Variants in DACH2 observed in about 807,000 individuals in gnomAD.
DACH2 encodes dachshund homolog 2.
Under a neutral mutation model 35.8 loss-of-function variants are expected in DACH2, and 17 were observed. That is an observed-to-expected ratio of 0.48 (90% CI 0.33 to 0.71). The LOEUF is 0.71. DACH2 is among the 30% of genes least tolerant of loss of function. DACH2 has a pLI of 0.02. For synonymous variants in DACH2, 195 were observed against 177.3 expected (o/e 1.10, Z -0.79); for missense variants, 469 against 472.7 (o/e 0.99, Z 0.07).
At chrX:86,291,764 AG>A (rs1350584175) in intron 1 of DACH2, among the ~76,000 whole-genome samples, 1 of 69,100 alleles carries the variant, frequency 1.4e-5, no homozygotes, top group Non-Finnish European at 2.5e-5. Context: ...CTTGCATCCC[AG>A]GGATGAAGCC....
intron 1 of DACH2, among the ~76,000 whole-genome samples, chrX:86,244,483 A>G: frequency 8.9e-6 from 1 of 111,936 alleles, no homozygotes; most frequent in Non-Finnish European, 1.9e-5. Context: ...GCATGTTGGC[A>G]TGCACCTCTA....
Position 86,613,980 on chromosome X carries a change from A to C in DACH2, c.641-37056A>C, listed in dbSNP as rs186429258. On this transcript the variant is annotated intron_variant, in intron 3 of 11. Transcript: ENST00000373125. ...AATGTAGAGCCTTTTTGACAAACTT[A>C]TTACCATGCACATATTCAAATATTA... Among the ~76,000 whole-genome samples, 16 of 112,020 alleles carry C rather than the reference A, an allele frequency of 1.4e-4. 1 individual carries two copies. In the East Asian group the frequency reaches 3.7e-3, roughly 26 times the overall value.
intron 1 of DACH2, among the ~76,000 whole-genome samples, chrX:86,214,308 C>T (rs1311100657): frequency 8.9e-6 from 1 of 112,004 alleles, no homozygotes; most frequent in Non-Finnish European, 1.9e-5. Context: ...ACACTTGAGC[C>T]AAGCATTCAG....
intron 2 of DACH2, among the ~76,000 whole-genome samples, chrX:86,419,015 G>A (rs952187551): frequency 9.0e-6 from 1 of 111,714 alleles, no homozygotes; most frequent in African/African-American, 3.3e-5. Flanking sequence ...AACAAGGGTT[G>A]CCTTTGCTCC....
chrX:86,417,377 G>A (rs1411706488), intron 2 of DACH2, among the ~76,000 whole-genome samples: 1 of 111,707 alleles, frequency 9.0e-6, no homozygotes, highest in East Asian at 2.8e-4. Context: ...AGACATACCT[G>A]AGATGGGTCA....
At position 86,376,807 on chromosome X, in the gene DACH2, C is replaced by A; in HGVS notation, c.489-17C>A. On this transcript the variant is annotated splice_polypyrimidine_tract_variant and intron_variant, in intron 1 of 11. Coordinates refer to ENST00000373125, the MANE Select transcript of DACH2 (RefSeq NM_053281.3). The stretch of plus-strand genomic sequence containing the variant: ...ACCAGTTTTATTTATTTATTTTCTG[C>A]TACACTCTCCTTTTAGAAGGAAGAG... 1 of 1,081,072 alleles carries A rather than the reference C, an allele frequency of 9.3e-7. No homozygotes were observed. Among genetic ancestry groups the A allele is most frequent in the Non-Finnish European group, 1.3e-6 (1 of 792,096 alleles). 89.1% of individuals were successfully genotyped at this position (1,081,072 alleles called of 1,213,427 possible). A position where few individuals can be genotyped will look rare whatever the true frequency, so the allele number is the denominator to read the frequency against.
intron 1 of DACH2, among the ~76,000 whole-genome samples, chrX:86,344,637 T>C (rs150054500): frequency 9.6e-4 from 107 of 111,374 alleles, no homozygotes; most frequent in African/African-American, 3.4e-3. Flanking sequence ...CCCCTTTGCT[T>C]CTGTCCACAG....
chrX:86,615,826 A>G (rs1000374612), intron 3 of DACH2, among the ~76,000 whole-genome samples: 1 of 110,704 alleles, frequency 9.0e-6, no homozygotes, highest in African/African-American at 3.3e-5. Context: ...TTATATAGGT[A>G]AACTTGTGTC....
intron 3 of DACH2, among the ~76,000 whole-genome samples, chrX:86,596,817 C>T (rs2039718815): frequency 9.0e-6 from 1 of 111,247 alleles, no homozygotes. Flanking sequence ...CCAAGATGTA[C>T]CCTTATAATT....
At chrX:86,491,335 C>T (rs2038090267) in intron 2 of DACH2, among the ~76,000 whole-genome samples, 1 of 111,478 alleles carries the variant, frequency 9.0e-6, no homozygotes, top group Non-Finnish European at 1.9e-5. Context: ...ACACAGTTGC[C>T]ACCTCAAAAT....
At chrX:86,563,135 T>A (rs1481582945) in intron 3 of DACH2, among the ~76,000 whole-genome samples, 2 of 109,660 alleles carry the variant, frequency 1.8e-5, no homozygotes, top group African/African-American at 3.3e-5. Context: ...TTATCTTTTT[T>A]TTTTTCCTGA....
intron 1 of DACH2, among the ~76,000 whole-genome samples, chrX:86,340,597 C>T (rs764285356): frequency 2.4e-4 from 27 of 111,388 alleles, no homozygotes; most frequent in Non-Finnish European, 4.5e-4. Flanking sequence ...AAGAGTCACA[C>T]ATCTCTCACT....
intron 7 of DACH2, among the ~76,000 whole-genome samples, chrX:86,801,479 G>A (rs751212398): frequency 1.2e-4 from 14 of 112,020 alleles, no homozygotes; most frequent in Non-Finnish European, 1.7e-4. Flanking sequence ...GTGGGTGTGC[G>A]TGAACAAGAG....
At chrX:86,189,923 G>A (rs1045846234) in intron 1 of DACH2, among the ~76,000 whole-genome samples, 1 of 110,325 alleles carries the variant, frequency 9.1e-6, no homozygotes, top group Non-Finnish European at 1.9e-5. Flanking sequence ...CAGCACTTTG[G>A]GAGGCTGAGG....
chrX:86,753,986 T>C (rs995617351), intron 7 of DACH2, among the ~76,000 whole-genome samples: 1 of 109,000 alleles, frequency 9.2e-6, no homozygotes, highest in African/African-American at 3.3e-5. Context: ...CCAACCACCA[T>C]GAGAGCATCA....
At chrX:86,644,278 A>G (rs2040386822) in intron 3 of DACH2, among the ~76,000 whole-genome samples, 1 of 111,797 alleles carries the variant, frequency 8.9e-6, no homozygotes. Context: ...TACACCAACA[A>G]CAGCCAAACT....
chrX:86,432,420 G>A (rs969588361), intron 2 of DACH2, among the ~76,000 whole-genome samples: 1 of 112,022 alleles, frequency 8.9e-6, no homozygotes, highest in African/African-American at 3.2e-5. Flanking sequence ...CAGTAATCCT[G>A]ACAAAAGAGA....
chrX:86,545,638 A>C (rs2038946602), intron 3 of DACH2, among the ~76,000 whole-genome samples: 1 of 112,184 alleles, frequency 8.9e-6, no homozygotes, highest in African/African-American at 3.2e-5. Context: ...AGTGGTTTAG[A>C]GTCCACAGTC....
At chrX:86,625,541 G>T (rs1275459121) in intron 3 of DACH2, among the ~76,000 whole-genome samples, 1 of 110,734 alleles carries the variant, frequency 9.0e-6, no homozygotes, top group Non-Finnish European at 1.9e-5. Flanking sequence ...TATTTTCTTA[G>T]TGTTAGAGGC....
Sources: allele counts gnomAD v4.1 joint callset (sites outside exome capture counted in the v4.1 genomes callset), GRCh38; gene constraint gnomAD v4.1.1; transcripts MANE v1.5; gene names NCBI Gene and HGNC (gene_info 2026-07-23, HGNC 2026-07-21).